The following ADAMTSL1 variants were observed in gnomAD, a reference collection of about 807,000 sequenced individuals.
The protein encoded by ADAMTSL1 is ADAMTS-like protein 1.
In ADAMTSL1, 126 loss-of-function variants were observed where a neutral mutation model predicts 201.8. The ratio of observed to expected loss-of-function variants is 0.62; its 90% CI spans 0.54 to 0.72. The LOEUF is 0.72. Ranked by LOEUF, ADAMTSL1 falls within the 30% of genes least tolerant of loss-of-function variation. The probability of loss-of-function intolerance (pLI) is 0.00; values close to 1 mark genes in which losing one functional copy is unlikely to be tolerated. For synonymous variants in ADAMTSL1, 1,121 were observed against 903.4 expected (o/e 1.24, Z -4.32); for missense variants, 2,679 against 2,277.8 (o/e 1.18, Z -3.59).
chr9:18,104,837 C>T (rs1206897466), intron 1 of ADAMTSL1, among the ~76,000 whole-genome samples: 1 of 152,164 alleles, frequency 6.6e-6, no homozygotes, highest in African/African-American at 2.4e-5. Context: ...AAGTCACTAT[C>T]ACCCTAGGCT....
chr9:17,964,490 C>T (rs747443899), intron 1 of ADAMTSL1, among the ~76,000 whole-genome samples: 1 of 152,066 alleles, frequency 6.6e-6, no homozygotes, highest in African/African-American at 2.4e-5. Flanking sequence ...GGAATCCCTG[C>T]GTGGTGACAA....
At chr9:17,969,082 G>T (rs1164589919) in intron 1 of ADAMTSL1, among the ~76,000 whole-genome samples, 1 of 151,836 alleles carries the variant, frequency 6.6e-6, no homozygotes, top group East Asian at 1.9e-4. Context: ...ACATTATTCA[G>T]TACCTAGAAT....
intron 1 of ADAMTSL1, among the ~76,000 whole-genome samples, chr9:18,083,197 T>C (rs554819524): frequency 1.4e-4 from 22 of 152,312 alleles, no homozygotes; most frequent in Non-Finnish European, 2.5e-4. Flanking sequence ...TTGAGGTTTT[T>C]AGGGCCATTG....
intron 2 of ADAMTSL1, among the ~76,000 whole-genome samples, chr9:18,220,514 C>G (rs1830216161): frequency 6.6e-6 from 1 of 151,974 alleles, no homozygotes; most frequent in South Asian, 2.1e-4. Context: ...ATGTGTTTCT[C>G]TTCTAAACAC....
intron 3 of ADAMTSL1, among the ~76,000 whole-genome samples, chr9:18,572,883 T>C (rs1822428023): frequency 6.6e-6 from 1 of 152,198 alleles, no homozygotes; most frequent in South Asian, 2.1e-4. Flanking sequence ...AATAAAAGCC[T>C]TTCTACAGCT....
rs148491856 is a variant in ADAMTSL1 at position 18,744,042 on chromosome 9, G to A, written c.2007-9256G>A. Among the ~76,000 whole-genome samples, 330 of 152,286 alleles carry A rather than the reference G, an allele frequency of 2.2e-3. 1 individual carries two copies. Among genetic ancestry groups the A allele is most frequent in the African/African-American group, 7.4e-3 (306 of 41,550 alleles). ...AAATCACTTGTTTCTCTGAGCCTTG[G>A]CTTGCTTGTCCTAAAATGGAGATGA... is the stretch of plus-strand genomic sequence containing the variant. On this transcript the variant is annotated intron_variant, in intron 15 of 28. Coordinates refer to ENST00000380548, the MANE Select transcript of ADAMTSL1 (RefSeq NM_001040272.6).
intron 2 of ADAMTSL1, among the ~76,000 whole-genome samples, chr9:18,309,198 G>C (rs1353174749): frequency 6.6e-6 from 1 of 152,076 alleles, no homozygotes. Flanking sequence ...AAAATAATAA[G>C]AGCTGTTTTT....
intron 11 of ADAMTSL1, chr9:18,681,184 C>A (rs1830448318): frequency 6.6e-6 from 1 of 152,580 alleles, no homozygotes; most frequent in African/African-American, 2.4e-5. Flanking sequence ...TCACTGAGCC[C>A]TGTGGCTTCA....
At chr9:18,643,801 A>G (rs1312761322) in intron 7 of ADAMTSL1, among the ~76,000 whole-genome samples, 1 of 151,902 alleles carries the variant, frequency 6.6e-6, no homozygotes, top group Non-Finnish European at 1.5e-5. Flanking sequence ...AGATTTTGAA[A>G]TCAGGTCGTA....
intron 1 of ADAMTSL1, among the ~76,000 whole-genome samples, chr9:18,504,390 A>G (rs971333851): frequency 6.6e-6 from 1 of 152,232 alleles, no homozygotes; most frequent in Non-Finnish European, 1.5e-5. Context: ...TGTCGATGGT[A>G]TAAAATATTG....
At chr9:18,724,780 AC>A (rs1182346165) in intron 15 of ADAMTSL1, among the ~76,000 whole-genome samples, 2 of 152,064 alleles carry the variant, frequency 1.3e-5, no homozygotes, top group African/African-American at 4.8e-5. Flanking sequence ...AGCTGGGAAG[AC>A]CTCAGTGCTT....
At chr9:18,166,517 C>G (rs1460355706) in intron 2 of ADAMTSL1, among the ~76,000 whole-genome samples, 1 of 151,864 alleles carries the variant, frequency 6.6e-6, no homozygotes, top group African/African-American at 2.4e-5. Flanking sequence ...GATTATCTGT[C>G]ACGACGTCTC....
chr9:18,535,433 C>T (rs2383074), intron 3 of ADAMTSL1, among the ~76,000 whole-genome samples: 91,903 of 152,004 alleles, frequency 0.6, 28,052 homozygotes, highest in East Asian at 0.79. Context: ...TTCTGAGCCC[C>T]CCAAGTATCT....
intron 1 of ADAMTSL1, among the ~76,000 whole-genome samples, chr9:17,928,020 G>C (rs1218216816): frequency 6.7e-6 from 1 of 149,504 alleles, no homozygotes; most frequent in East Asian, 1.9e-4. Context: ...TTTGAGACAG[G>C]GTCTTGCTCT....
chr9:18,575,136 G>C (rs1440011224), intron 4 of ADAMTSL1, among the ~76,000 whole-genome samples: 1 of 152,108 alleles, frequency 6.6e-6, no homozygotes, highest in African/African-American at 2.4e-5. Flanking sequence ...AGGAATGTAA[G>C]AGAAATATAT....
chr9:18,743,331 G>C (rs767546435), intron 15 of ADAMTSL1, among the ~76,000 whole-genome samples: 1 of 152,074 alleles, frequency 6.6e-6, no homozygotes, highest in Non-Finnish European at 1.5e-5. Context: ...AAGGAAGTAG[G>C]TTTAGATGCA....
At position 18,512,491 on chromosome 9, in the gene ADAMTSL1, A is replaced by G. The variant is rs147554685; in HGVS notation, c.191+7535A>G. Among the ~76,000 whole-genome samples the G allele has an allele frequency of 2.2e-3, 340 of 152,254 alleles. 1 individual carries two copies. The highest frequency in any genetic ancestry group is 7.8e-3 in the African/African-American group (325 of 41,558). On this transcript the variant is annotated intron_variant, in intron 2 of 28. Transcript: ENST00000380548. Reference sequence around the variant, plus strand: ...GTTCAGTAGCCCTTCTAAAGTTTGTATATCTCCTCAATTTTAATTCATTCA... The same window carrying G: ...GTTCAGTAGCCCTTCTAAAGTTTGTGTATCTCCTCAATTTTAATTCATTCA...
At chr9:18,780,949 A>G (rs1442409796) in intron 19 of ADAMTSL1, among the ~76,000 whole-genome samples, 2 of 152,188 alleles carry the variant, frequency 1.3e-5, no homozygotes, top group African/African-American at 4.8e-5. Context: ...CAAGTGGACA[A>G]TATAGTATGC....
chr9:18,471,788 G>A (rs896533106), upstream of ADAMTSL1, among the ~76,000 whole-genome samples: 11 of 152,048 alleles, frequency 7.2e-5, no homozygotes, highest in African/African-American at 1.9e-4. Flanking sequence ...TATATTATTC[G>A]GTGACTTCAT....
Sources: allele counts gnomAD v4.1 joint callset (sites outside exome capture counted in the v4.1 genomes callset), GRCh38; gene constraint gnomAD v4.1.1; transcripts MANE v1.5; gene names NCBI Gene and HGNC (gene_info 2026-07-23, HGNC 2026-07-21).